Variants in CCSER1 observed in about 807,000 individuals in gnomAD.
The protein encoded by CCSER1 is serine-rich coiled-coil domain-containing protein 1.
In CCSER1, 41 loss-of-function variants were observed where a neutral mutation model predicts 82.0. The observed-to-expected ratio is 0.50, with a 90% CI of 0.39 to 0.65. The LOEUF (loss-of-function observed/expected upper bound fraction) is 0.65, where lower values mean the gene tolerates loss of function less well. Among genes scored for constraint, CCSER1 ranks in the 30% least tolerant of loss-of-function variants. The pLI, the probability that CCSER1 is intolerant of heterozygous loss-of-function variation, is 0.00. For synonymous variants in CCSER1, 414 were observed against 383.9 expected, an observed-to-expected ratio of 1.08 and a Z score of -0.92; for missense variants, 1,119 against 1,064.2, an observed-to-expected ratio of 1.05 and a Z score of -0.72.
chr4:91,140,539 T>C (rs1728925435), intron 10 of CCSER1, among the ~76,000 whole-genome samples: 1 of 152,134 alleles, frequency 6.6e-6, no homozygotes, highest in Admixed American at 6.6e-5. Context: ...AACACAATCT[T>C]TACCATTTGG....
chr4:90,902,166 G>GTA (rs1185468234), intron 8 of CCSER1, among the ~76,000 whole-genome samples: 7 of 151,142 alleles, frequency 4.6e-5, no homozygotes, highest in Non-Finnish European at 1.0e-4. Flanking sequence ...TTTTGTTTTA[G>GTA]TATAGTTATG....
At chr4:90,579,424 C>T (rs1316138765) in intron 5 of CCSER1, among the ~76,000 whole-genome samples, 3 of 152,134 alleles carry the variant, frequency 2.0e-5, no homozygotes, top group African/African-American at 7.2e-5. Context: ...AATCTAGCTA[C>T]CAATGACATA....
chr4:91,478,219 A>G (rs574487136), intron 10 of CCSER1, among the ~76,000 whole-genome samples: 56 of 152,086 alleles, frequency 3.7e-4, no homozygotes, highest in African/African-American at 1.2e-3. Flanking sequence ...TCTATAAAAT[A>G]TAATTACTGG....
chr4:91,293,437 A>G (rs1461569669), intron 10 of CCSER1, among the ~76,000 whole-genome samples: 1 of 151,928 alleles, frequency 6.6e-6, no homozygotes, highest in African/African-American at 2.4e-5. Context: ...GTCTTTTTCT[A>G]ATGTATTATT....
chr4:91,039,162 G>C (rs1202995610), intron 9 of CCSER1, among the ~76,000 whole-genome samples: 1 of 151,848 alleles, frequency 6.6e-6, no homozygotes, highest in Non-Finnish European at 1.5e-5. Flanking sequence ...TGAGTATCTG[G>C]GACTAAGGCA....
chr4:90,907,369 A>G (rs986723386), intron 8 of CCSER1, among the ~76,000 whole-genome samples: 2 of 151,246 alleles, frequency 1.3e-5, no homozygotes, highest in African/African-American at 4.8e-5. Flanking sequence ...GCTGCTAGTG[A>G]GGGAATGTTT....
At chr4:90,368,093 G>A (rs1578140629) in intron 3 of CCSER1, among the ~76,000 whole-genome samples, 1 of 151,882 alleles carries the variant, frequency 6.6e-6, no homozygotes, top group East Asian at 1.9e-4. Flanking sequence ...AAGTTTCTCA[G>A]ACTTCTACAA....
intron 9 of CCSER1, among the ~76,000 whole-genome samples, chr4:91,062,579 C>T (rs1744053898): frequency 6.6e-6 from 1 of 152,018 alleles, no homozygotes; most frequent in Non-Finnish European, 1.5e-5. Context: ...GTAGGTACAC[C>T]ACATTAAAAC....
chr4:90,666,366 C>G (rs1452666337), intron 6 of CCSER1, among the ~76,000 whole-genome samples: 1 of 152,122 alleles, frequency 6.6e-6, no homozygotes, highest in African/African-American at 2.4e-5. Flanking sequence ...TAAAATTCTG[C>G]CTACCATGGT....
chr4:90,688,252 C>A (rs1040449485), intron 6 of CCSER1, among the ~76,000 whole-genome samples: 1 of 152,012 alleles, frequency 6.6e-6, no homozygotes, highest in African/African-American at 2.4e-5. Context: ...CCATTTCATA[C>A]CCTTATGCAT....
chr4:90,507,184 G>T (rs1162250719), intron 5 of CCSER1, among the ~76,000 whole-genome samples: 1 of 151,986 alleles, frequency 6.6e-6, no homozygotes, highest in African/African-American at 2.4e-5. Context: ...AAACAGCAGT[G>T]ATTACTTCTT....
intron 1 of CCSER1, among the ~76,000 whole-genome samples, chr4:90,230,134 A>G (rs557500174): frequency 1.9e-4 from 29 of 152,326 alleles, no homozygotes; most frequent in African/African-American, 6.0e-4. Context: ...ATAGACATCT[A>G]CAGAACTCTC....
intron 8 of CCSER1, among the ~76,000 whole-genome samples, chr4:90,866,160 G>A (rs1476497276): frequency 1.3e-5 from 2 of 151,844 alleles, no homozygotes; most frequent in East Asian, 3.9e-4. Flanking sequence ...CAACAGAGAT[G>A]CAAACCATAT....
At chr4:90,329,454 T>C (rs1265998913) in intron 3 of CCSER1, among the ~76,000 whole-genome samples, 3 of 152,164 alleles carry the variant, frequency 2.0e-5, no homozygotes, top group Non-Finnish European at 4.4e-5. Flanking sequence ...CCTTTTAAAG[T>C]AGTGATTTAG....
chr4:90,495,419 C>T (rs77886422), intron 5 of CCSER1, among the ~76,000 whole-genome samples: 1 of 152,088 alleles, frequency 6.6e-6, no homozygotes, highest in African/African-American at 2.4e-5. Context: ...TGCCTACTTA[C>T]TTTAGAAATG....
At chr4:90,167,378 T>A (rs1483156880) in intron 1 of CCSER1, among the ~76,000 whole-genome samples, 1 of 152,168 alleles carries the variant, frequency 6.6e-6, no homozygotes, top group Non-Finnish European at 1.5e-5. Context: ...ACATTTTCAT[T>A]CTATCCATGG....
intron 6 of CCSER1, among the ~76,000 whole-genome samples, chr4:90,675,096 T>C (rs1311358398): frequency 1.3e-5 from 2 of 152,002 alleles, no homozygotes; most frequent in Non-Finnish European, 2.9e-5. Context: ...TACCTCATCC[T>C]TTCTCATTTC....
intron 10 of CCSER1, among the ~76,000 whole-genome samples, chr4:91,590,494 CA>C (rs1764213891): frequency 6.6e-6 from 1 of 152,094 alleles, no homozygotes. Context: ...CAAACAGACA[CA>C]GCAATGGTGC....
rs143107165 is a variant in CCSER1, at chr4:91,024,841, G to A, written c.2173-61109G>A. ...TAAGCAGGTATGACTTTAAAAAATT[G>A]AAGGTTATGTGAGTTGATGAGAGAC... On this transcript the variant is annotated intron_variant, in intron 9 of 10. Coordinates refer to ENST00000509176, the MANE Select transcript of CCSER1 (RefSeq NM_001145065.2). Among the ~76,000 whole-genome samples, 706 of 152,146 alleles carry A rather than the reference G, an allele frequency of 4.6e-3. 6 individuals carry two copies. Among genetic ancestry groups the A allele is most frequent in the African/African-American group, 0.016 (650 of 41,536 alleles).
Sources: gnomAD v4.1 joint callset for allele counts (sites outside exome capture counted in the v4.1 genomes callset) on GRCh38, gnomAD v4.1.1 for gene constraint, MANE v1.5 for transcripts, NCBI Gene and HGNC (gene_info 2026-07-23, HGNC 2026-07-21) for gene names.